Variants in AGPAT3 observed in about 807,000 individuals in gnomAD.
The protein encoded by AGPAT3 is 1-acyl-sn-glycerol-3-phosphate acyltransferase gamma.
Under a neutral mutation model 47.3 loss-of-function variants are expected in AGPAT3, and 5 were observed. The observed-to-expected ratio is 0.11, with a 90% CI of 0.06 to 0.22. AGPAT3 has a LOEUF of 0.22. Among genes scored for constraint, AGPAT3 ranks in the 10% least tolerant of loss-of-function variants. The pLI is 1.00. For synonymous variants in AGPAT3, 212 were observed against 208.3 expected (o/e 1.02, Z -0.15); for missense variants, 315 against 493.0 (o/e 0.64, Z 3.42).
At chr21:43,872,701 C>T (rs764184128) in intron 1 of AGPAT3, among the ~76,000 whole-genome samples, 7 of 152,220 alleles carry the variant, frequency 4.6e-5, no homozygotes, top group Non-Finnish European at 7.3e-5. Flanking sequence ...TCCTGTTTTG[C>T]TGCCTGGGCC....
intron 2 of AGPAT3, among the ~76,000 whole-genome samples, chr21:43,909,952 C>T (rs2086593630): frequency 1.3e-5 from 2 of 152,164 alleles, no homozygotes; most frequent in African/African-American, 2.4e-5. Context: ...CCCAGGTCTG[C>T]ACCAGGGTGC....
intron 2 of AGPAT3, among the ~76,000 whole-genome samples, chr21:43,935,021 G>A (rs2087391502): frequency 6.7e-6 from 1 of 149,912 alleles, no homozygotes; most frequent in Admixed American, 6.6e-5. Context: ...TGCCACCCAT[G>A]TGCCGTCCAC....
In AGPAT3 at chr21:43,981,278, T is replaced by C; in HGVS notation, c.1042+91T>C. On this transcript the variant is annotated intron_variant, in intron 9 of 9. Coordinates refer to ENST00000291572, the MANE Select transcript of AGPAT3 (RefSeq NM_020132.5). The surrounding 1 kb of genome is among the most constrained non-coding windows in gnomAD (Gnocchi z 5.3). ...GGACCTGGTGACTCATCACAGTGGC[T>C]GTGGGAGGCAGGGGCCTGGCTGTTA... The C allele has an allele frequency of 2.1e-6, 3 of 1,409,200 alleles. No individual in the cohort carries two copies. In the Admixed American group the frequency reaches 5.3e-5, roughly 25 times the overall value. 87.3% of individuals were successfully genotyped at this position (1,409,200 alleles called of 1,614,324 possible).
rs903247192 is a variant in AGPAT3, at chr21:43,934,183, C to T, written c.-48-25451C>T. 5.9e-5 allele frequency among the ~76,000 whole-genome samples: 9 copies of T among 152,038 alleles called. No homozygotes were observed. The highest frequency in any genetic ancestry group is 4.2e-4 in the South Asian group (2 of 4,814). ...GCTCCCCGAGCACCAGCTCCCCTGC[C>T]GAGCACCAGCTCCCATATGCCAGTC... is the stretch of plus-strand genomic sequence containing the variant. On this transcript the variant is annotated intron_variant, in intron 2 of 9. Coordinates refer to ENST00000291572, the MANE Select transcript of AGPAT3 (RefSeq NM_020132.5). The surrounding 1 kb of genome is among the most constrained non-coding windows in gnomAD (Gnocchi z 4.7).
chr21:43,944,912 G>A (rs2087817262), intron 2 of AGPAT3, among the ~76,000 whole-genome samples: 1 of 152,240 alleles, frequency 6.6e-6, no homozygotes, highest in African/African-American at 2.4e-5. Flanking sequence ...TGCCCTCAGG[G>A]GCTTCCCTCC....
In AGPAT3 at chr21:43,908,782, A is replaced by C. The variant is rs2146074840; in HGVS notation, c.-49+4763A>C. On this transcript the variant is annotated intron_variant, in intron 2 of 9. Coordinates refer to ENST00000291572, the MANE Select transcript of AGPAT3 (RefSeq NM_020132.5). This position sits in a 1 kb window ranked among gnomAD's most constrained non-coding sequence, Gnocchi z 4.9. ...TGCTGCGTCAGCGTGGTGGCCTGCC[A>C]GCTCCAGGCTGCAAAAGTCCCTCGT... Among the ~76,000 whole-genome samples the C allele has an allele frequency of 6.6e-6, 1 of 152,356 alleles. No homozygotes were observed. The highest frequency in any genetic ancestry group is 3.4e-3 in the Middle Eastern group (1 of 294).
rs537238978 is a variant in AGPAT3, at chr21:43,920,688, G to A, written c.-49+16669G>A. Among the ~76,000 whole-genome samples the A allele has an allele frequency of 2.0e-5, 3 of 152,196 alleles. No homozygotes were observed. The highest frequency in any genetic ancestry group is 2.4e-5 in the African/African-American group (1 of 41,450). ...CTCCACAGACTCCCTCAAGGACAGC[G>A]TTTGGGGGCTTGCAGGCTGCTAAGC... On this transcript the variant is annotated intron_variant, in intron 2 of 9. Transcript: ENST00000291572. The surrounding 1 kb of genome is among the most constrained non-coding windows in gnomAD (Gnocchi z 6.1).
chr21:43,891,313 G>C (rs567610091), intron 1 of AGPAT3, among the ~76,000 whole-genome samples: 1 of 152,264 alleles, frequency 6.6e-6, no homozygotes, highest in East Asian at 1.9e-4. Flanking sequence ...TCTACCTTAA[G>C]AAACCATTTG....
intron 2 of AGPAT3, among the ~76,000 whole-genome samples, chr21:43,957,665 G>A (rs1426266259): frequency 1.4e-5 from 2 of 146,310 alleles, no homozygotes; most frequent in African/African-American, 2.6e-5. Context: ...CCACACGGGG[G>A]TCTCGGGTTT....
At chr21:43,904,627 G>T (rs1294393123) in intron 2 of AGPAT3, among the ~76,000 whole-genome samples, 2 of 152,194 alleles carry the variant, frequency 1.3e-5, no homozygotes, top group African/African-American at 4.8e-5. Context: ...TTGCCTGGCC[G>T]TTGAGTCACT....
In AGPAT3 at chr21:43,930,738, G is replaced by A. The variant is rs910420743; in HGVS notation, c.-49+26719G>A. On this transcript the variant is annotated intron_variant, in intron 2 of 9. Transcript: ENST00000291572. This position sits in a 1 kb window ranked among gnomAD's most constrained non-coding sequence, Gnocchi z 5.0. ...GGGCTTGCTGGCACATTCCCAGGGG[G>A]CTGCTGTAGGGCCAGTGTCCCCTCC... Among the ~76,000 whole-genome samples the A allele has an allele frequency of 2.6e-5, 4 of 152,162 alleles. No homozygotes were observed. Among genetic ancestry groups the A allele is most frequent in the African/African-American group, 9.7e-5 (4 of 41,434 alleles).
intron 1 of AGPAT3, among the ~76,000 whole-genome samples, chr21:43,875,003 T>C (rs188337894): frequency 6.6e-6 from 1 of 152,276 alleles, no homozygotes; most frequent in African/African-American, 2.4e-5. Flanking sequence ...GTTTTTGAGA[T>C]GGAGTCTCAC....
intron 7 of AGPAT3, among the ~76,000 whole-genome samples, chr21:43,975,788 C>G (rs1378670240): frequency 6.6e-6 from 1 of 152,176 alleles, no homozygotes; most frequent in Non-Finnish European, 1.5e-5. Context: ...GCTTCTCCCT[C>G]ATAAAGGTCC....
chr21:43,927,158 C>T (rs1204371592), intron 2 of AGPAT3, among the ~76,000 whole-genome samples: 2 of 152,072 alleles, frequency 1.3e-5, no homozygotes, highest in Non-Finnish European at 2.9e-5. Flanking sequence ...GAGGGCTGAG[C>T]ATTCCCTTCT....
intron 1 of AGPAT3, among the ~76,000 whole-genome samples, chr21:43,896,558 C>A (rs752424060): frequency 6.6e-6 from 1 of 152,200 alleles, no homozygotes; most frequent in Non-Finnish European, 1.5e-5. Context: ...TTTGCTGGAC[C>A]GCAGTCACAC....
At chr21:43,899,893 G>A (rs886957226) in intron 1 of AGPAT3, among the ~76,000 whole-genome samples, 1 of 152,114 alleles carries the variant, frequency 6.6e-6, no homozygotes, top group African/African-American at 2.4e-5. Context: ...GGGAAGAGGC[G>A]ATGAACTGAG....
At chr21:43,893,191 C>G (rs1171901475) in intron 1 of AGPAT3, among the ~76,000 whole-genome samples, 1 of 152,210 alleles carries the variant, frequency 6.6e-6, no homozygotes, top group Non-Finnish European at 1.5e-5. Context: ...CCGTGGGCAC[C>G]TACTGCTTCA....
At position 43,952,052 on chromosome 21, in the gene AGPAT3, G is replaced by C. The variant is rs530886603; in HGVS notation, c.-48-7582G>C. Among the ~76,000 whole-genome samples the C allele has an allele frequency of 2.0e-5, 3 of 152,254 alleles. No individual in the cohort carries two copies. Among genetic ancestry groups the C allele is most frequent in the South Asian group, 2.1e-4 (1 of 4,820 alleles). Reference sequence around the variant, plus strand: ...GCAGCGAAGGACCTGGGGCAGGCAGGGGGTGGGCTGGATGGCGGAACACGG... The same window carrying C: ...GCAGCGAAGGACCTGGGGCAGGCAGCGGGTGGGCTGGATGGCGGAACACGG... On this transcript the variant is annotated intron_variant, in intron 2 of 9. Transcript: ENST00000291572. The surrounding 1 kb of genome is among the most constrained non-coding windows in gnomAD (Gnocchi z 5.6).
rs1157124367 is a variant in AGPAT3, at chr21:43,933,403, C to G, written c.-48-26231C>G. The stretch of plus-strand genomic sequence containing the variant: ...TTTAGTTTGCCGTAATCCCAGTGGT[C>G]TATGTTTGCTTTTGTCGTGTATCTT... On this transcript the variant is annotated intron_variant, in intron 2 of 9. Transcript: ENST00000291572. This position sits in a 1 kb window ranked among gnomAD's most constrained non-coding sequence, Gnocchi z 6.0. Among the ~76,000 whole-genome samples the G allele has an allele frequency of 6.6e-6, 1 of 152,074 alleles. No individual in the cohort carries two copies. The highest frequency in any genetic ancestry group is 2.4e-5 in the African/African-American group (1 of 41,406).
Sources: gnomAD v4.1 joint callset for allele counts (sites outside exome capture counted in the v4.1 genomes callset) on GRCh38, gnomAD v4.1.1 for gene constraint, Gnocchi (gnomAD v3.1) non-coding constraint, MANE v1.5 for transcripts, NCBI Gene and HGNC (gene_info 2026-07-23, HGNC 2026-07-21) for gene names.